The following NAALADL2 variants were observed in gnomAD, a reference collection of about 807,000 sequenced individuals.
NAALADL2 encodes the protein N-acetylated alpha-linked acidic dipeptidase like 2, also known as inactive N-acetylated-alpha-linked acidic dipeptidase-like protein 2.
A neutral mutation model predicts 87.2 loss-of-function variants in NAALADL2; 76 were observed. That is an observed-to-expected ratio of 0.87 (90% CI 0.72 to 1.05). The LOEUF is 1.05. Ranked by LOEUF, NAALADL2 falls within the 50% of genes least tolerant of loss-of-function variation. NAALADL2 has a pLI of 0.00. For synonymous variants in NAALADL2, 354 were observed against 331.0 expected, an observed-to-expected ratio of 1.07 and a Z score of -0.75; for missense variants, 1,089 against 945.8, an observed-to-expected ratio of 1.15 and a Z score of -1.99.
intron 1 of NAALADL2, among the ~76,000 whole-genome samples, chr3:174,892,005 G>C (rs1380255480): frequency 6.6e-6 from 1 of 152,132 alleles, no homozygotes; most frequent in East Asian, 1.9e-4. Flanking sequence ...ATGAATCACA[G>C]CATTCCTGGG....
At chr3:175,777,019 T>C (rs1228081398) in intron 13 of NAALADL2, among the ~76,000 whole-genome samples, 2 of 151,746 alleles carry the variant, frequency 1.3e-5, no homozygotes, top group African/African-American at 4.8e-5. Context: ...TCTCATACTA[T>C]CTAACTTGAC....
intron 2 of NAALADL2, among the ~76,000 whole-genome samples, chr3:174,656,352 ACT>A (rs1491231786): frequency 6.6e-6 from 1 of 152,040 alleles, no homozygotes; most frequent in Non-Finnish European, 1.5e-5. Context: ...CAAAACAGAC[ACT>A]CTAGTATGAC....
intron 1 of NAALADL2, among the ~76,000 whole-genome samples, chr3:174,975,242 T>C (rs911426753): frequency 2.6e-5 from 4 of 152,180 alleles, no homozygotes; most frequent in African/African-American, 9.7e-5. Flanking sequence ...TGTCATTCCC[T>C]TGGCTATATT....
chr3:175,756,655 C>T (rs1447566400), intron 13 of NAALADL2, among the ~76,000 whole-genome samples: 1 of 151,992 alleles, frequency 6.6e-6, no homozygotes, highest in African/African-American at 2.4e-5. Context: ...GAGATAGACA[C>T]TAGAGACTGC....
At chr3:174,963,580 C>T (rs1010382962) in intron 1 of NAALADL2, among the ~76,000 whole-genome samples, 1 of 152,134 alleles carries the variant, frequency 6.6e-6, no homozygotes, top group Admixed American at 6.6e-5. Flanking sequence ...TCCCCATGTA[C>T]ATGACTTCAA....
At chr3:174,922,839 G>A (rs1472177593) in intron 1 of NAALADL2, among the ~76,000 whole-genome samples, 1 of 152,132 alleles carries the variant, frequency 6.6e-6, no homozygotes, top group Non-Finnish European at 1.5e-5. Context: ...AGACATATTA[G>A]TATTTCTTAT....
chr3:174,976,094 T>C lies in NAALADL2; in HGVS notation c.43+116644T>C, dbSNP rs1367545616. 2.0e-5 allele frequency among the ~76,000 whole-genome samples: 3 copies of C among 152,150 alleles called. No homozygotes were observed. The South Asian group carries it at 6.2e-4, about 32-fold the overall frequency. On this transcript the variant is annotated intron_variant, in intron 1 of 13. Transcript: ENST00000454872. ...TTATGTACTATAAATGCAATAGACA[T>C]AGGTAATTCCATATTTTCATACTTA... is the stretch of plus-strand genomic sequence containing the variant.
At chr3:174,771,491 A>G (rs1295212302) in intron 3 of NAALADL2, among the ~76,000 whole-genome samples, 6 of 152,230 alleles carry the variant, frequency 3.9e-5, no homozygotes, top group Admixed American at 3.9e-4. Flanking sequence ...ATACAAGAGC[A>G]TGGCTTGGTT....
chr3:175,536,563 TTAAA>T (rs777505564), intron 9 of NAALADL2, among the ~76,000 whole-genome samples: 2 of 152,070 alleles, frequency 1.3e-5, no homozygotes, highest in South Asian at 2.1e-4. Flanking sequence ...AGACTTGAAA[TTAAA>T]TATTAAATTA....
chr3:174,829,082 T>A (rs577521125), intron 3 of NAALADL2, among the ~76,000 whole-genome samples: 2 of 150,996 alleles, frequency 1.3e-5, no homozygotes, highest in African/African-American at 4.9e-5. Context: ...GGTTCAGGTA[T>A]TACATCTGTT....
In NAALADL2 at chr3:174,504,760, TAAAG is replaced by T. The variant is rs750560899; in HGVS notation, c.-183-45806_-183-45803del. Among the ~76,000 whole-genome samples the T allele has an allele frequency of 1.3e-4, 20 of 152,210 alleles. 1 individual carries two copies. In the East Asian group the frequency reaches 2.9e-3, roughly 22 times the overall value. On this transcript the variant is annotated intron_variant, in intron 1 of 3. Coordinates refer to the NAALADL2 transcript ENST00000434257. The stretch of plus-strand genomic sequence containing the variant: ...GGCATTGGAACTGGTCTTATGAAAA[TAAAG>T]AAGGAGAAAGCATGCACAAAACATA...
At chr3:175,318,593 C>T (rs1025220612) in intron 4 of NAALADL2, among the ~76,000 whole-genome samples, 1 of 152,136 alleles carries the variant, frequency 6.6e-6, no homozygotes, top group Non-Finnish European at 1.5e-5. Flanking sequence ...CCACTCTTAA[C>T]ATTTTGCAGT....
chr3:174,833,076 A>G (rs1722917787), intron 3 of NAALADL2, among the ~76,000 whole-genome samples: 1 of 152,144 alleles, frequency 6.6e-6, no homozygotes, highest in Non-Finnish European at 1.5e-5. Flanking sequence ...AATAGTATTA[A>G]CTTTTAAATA....
At chr3:175,789,138 C>G (rs777186028) in intron 13 of NAALADL2, among the ~76,000 whole-genome samples, 1 of 152,128 alleles carries the variant, frequency 6.6e-6, no homozygotes, top group African/African-American at 2.4e-5. Context: ...TAACTGAAAA[C>G]TCAACAATCC....
In NAALADL2 at chr3:175,160,230, A is replaced by G. The variant is rs540432956; in HGVS notation, c.545+62939A>G. ...TTGATTATATAATAAATTGTTCCCA[A>G]TATTAGCTACCAATTTTGAATTGAT... On this transcript the variant is annotated intron_variant, in intron 2 of 13. Coordinates refer to ENST00000454872, the MANE Select transcript of NAALADL2 (RefSeq NM_207015.3). 4.0e-5 allele frequency among the ~76,000 whole-genome samples: 6 copies of G among 151,866 alleles called. No homozygotes were observed. In the East Asian group the frequency reaches 9.7e-4, roughly 24 times the overall value.
At chr3:175,247,005 G>A (rs1294101096) in intron 3 of NAALADL2, among the ~76,000 whole-genome samples, 6 of 152,122 alleles carry the variant, frequency 3.9e-5, no homozygotes, top group Non-Finnish European at 5.9e-5. Flanking sequence ...AATTCCCTAC[G>A]TAGTAATTAC....
chr3:174,457,115 C>T (rs1390397427), intron 1 of NAALADL2, among the ~76,000 whole-genome samples: 3 of 152,130 alleles, frequency 2.0e-5, no homozygotes, highest in South Asian at 2.1e-4. Flanking sequence ...CTCAACATCT[C>T]TGATCATTAG....
intron 2 of NAALADL2, among the ~76,000 whole-genome samples, chr3:174,562,802 T>TATGTAAACA (rs1713784755): frequency 6.6e-6 from 1 of 152,122 alleles, no homozygotes; most frequent in Admixed American, 6.6e-5. Flanking sequence ...AGTTGATATG[T>TATGTAAACA]ATGTAAACAT....
intron 2 of NAALADL2, among the ~76,000 whole-genome samples, chr3:175,175,375 CT>C (rs997059234): frequency 3.3e-5 from 5 of 152,076 alleles, no homozygotes; most frequent in African/African-American, 9.6e-5. Flanking sequence ...TATTAAACAA[CT>C]TTTTTGTGGC....
Sources: allele counts gnomAD v4.1 joint callset (sites outside exome capture counted in the v4.1 genomes callset), GRCh38; gene constraint gnomAD v4.1.1; transcripts MANE v1.5; gene names NCBI Gene and HGNC (gene_info 2026-07-23, HGNC 2026-07-21).